Variants in CNIH1 observed in about 807,000 individuals in gnomAD.
CNIH1 encodes the protein cornichon family member 1.
Under a neutral mutation model 20.2 loss-of-function variants are expected in CNIH1, and 12 were observed. The ratio of observed to expected loss-of-function variants is 0.59; its 90% CI spans 0.38 to 0.96. The LOEUF is 0.96. CNIH1 is among the 40% of genes least tolerant of loss of function. The pLI, the probability that CNIH1 is intolerant of heterozygous loss-of-function variation, is 0.00. For missense variants in CNIH1, 152 were observed against 178.8 expected (o/e 0.85, Z 0.85); for synonymous variants, 69 against 63.3 (o/e 1.09, Z -0.43).
In CNIH1 at chr14:54,423,962, TCAG is replaced by T. The variant is rs1411861992; in HGVS notation, c.*3849_*3851del. The T allele has an allele frequency of 6.6e-6, 1 of 152,210 alleles. No individual in the cohort carries two copies. The highest frequency in any genetic ancestry group is 2.4e-5 in the African/African-American group (1 of 41,458). The allele number at this position is 152,210 out of a possible 1,614,324, so 9.4% of individuals were successfully genotyped here. ...ACATGGTTAATACTATTTTCCAAAATCAGCAGAACAAGCTGCAGTTACTTCTTT... is the reference window on the plus strand; with the variant it reads ...ACATGGTTAATACTATTTTCCAAAATCAGAACAAGCTGCAGTTACTTCTTT... On this transcript the variant is annotated 3_prime_UTR_variant, in exon 5 of 5. Transcript: ENST00000216416.
rs552924024 is a variant in CNIH1, at chr14:54,438,357, G to T, written c.82-1920C>A. On this transcript the variant is annotated intron_variant, in intron 1 of 4. Transcript: ENST00000216416. ...GCTAGGGTTTTCGAACCTCTTCTGA[G>T]AATATTCTTAATGATTTTCAAATCT... is the stretch of plus-strand genomic sequence containing the variant. Among the ~76,000 whole-genome samples, 7 of 152,260 alleles carry T rather than the reference G, an allele frequency of 4.6e-5. No homozygotes were observed. The East Asian group carries it at 1.3e-3, about 29-fold the overall frequency.
Position 54,427,906 on chromosome 14 carries a change from G to A in CNIH1, c.408-65C>T, listed in dbSNP as rs1358461370. On this transcript the variant is annotated intron_variant, in intron 4 of 4. Coordinates refer to ENST00000216416, the MANE Select transcript of CNIH1 (RefSeq NM_005776.3). ...ATTATTAAAAAAAAACTCAGAGCAT[G>A]AGAGAGTATGCTTTATATAGCAAAC... The A allele has an allele frequency of 4.1e-6, 6 of 1,470,714 alleles. No homozygotes were observed. In the East Asian group the frequency reaches 1.4e-4, roughly 33 times the overall value. The allele number at this position is 1,470,714 out of a possible 1,614,324, so 91.1% of individuals were successfully genotyped here. A position where few individuals can be genotyped will look rare whatever the true frequency, so the allele number is the denominator to read the frequency against.
chr14:54,430,153 G>T, intron 4 of CNIH1, 108 bp downstream of exon 4: 1 of 1,178,148 alleles, frequency 8.5e-7, no homozygotes, highest in Non-Finnish European at 1.2e-6. Context: ...GCACACTTAA[G>T]ACACTAAGTT....
chr14:54,439,703 C>G (rs1373742335), intron 1 of CNIH1, among the ~76,000 whole-genome samples: 1 of 152,136 alleles, frequency 6.6e-6, no homozygotes, highest in South Asian at 2.1e-4. Flanking sequence ...GCGCCCACCA[C>G]CATGCCCGGC....
chr14:54,435,975 A>G (rs1189112495), intron 2 of CNIH1: 6 of 649,608 alleles, frequency 9.2e-6, no homozygotes, highest in Admixed American at 4.7e-5. Flanking sequence ...CTCAACAGGC[A>G]TATGAACGAG....
At chr14:54,440,143 A>T (rs977460334) in intron 1 of CNIH1, among the ~76,000 whole-genome samples, 1 of 152,210 alleles carries the variant, frequency 6.6e-6, no homozygotes, top group Non-Finnish European at 1.5e-5. Flanking sequence ...TTTTTGCACA[A>T]GACGCTGCTG....
At chr14:54,431,330 C>A (rs1447489872) in intron 3 of CNIH1, among the ~76,000 whole-genome samples, 1 of 151,946 alleles carries the variant, frequency 6.6e-6, no homozygotes, top group Non-Finnish European at 1.5e-5. Flanking sequence ...GTTTCACCAT[C>A]TTGGCCAGGC....
chr14:54,430,175 G>A (rs1206725910), intron 4 of CNIH1, 86 bp downstream of exon 4: 1 of 1,356,994 alleles, frequency 7.4e-7, no homozygotes, highest in African/African-American at 1.4e-5. Context: ...TTCTTCAAAT[G>A]GATTTTGAGG....
Position 54,427,725 on chromosome 14 carries a change from A to G in CNIH1, c.*89T>C, listed in dbSNP as rs2030853846. On this transcript the variant is annotated 3_prime_UTR_variant, in exon 5 of 5. Coordinates refer to ENST00000216416, the MANE Select transcript of CNIH1 (RefSeq NM_005776.3). ...AGTAACTGATCAGATTCCACAGGCTACTCTTGGACAGGATCTTGCTGGATA... is the reference window on the plus strand; with the variant it reads ...AGTAACTGATCAGATTCCACAGGCTGCTCTTGGACAGGATCTTGCTGGATA... 7.6e-7 allele frequency: 1 copy of G among 1,312,522 alleles called. No individual in the cohort carries two copies. The highest frequency in any genetic ancestry group is 1.3e-5 in the South Asian group (1 of 78,920). The allele number at this position is 1,312,522 out of a possible 1,614,324, so 81.3% of individuals were successfully genotyped here. A position where few individuals can be genotyped will look rare whatever the true frequency, so the allele number is the denominator to read the frequency against.
At chr14:54,433,833 A>G (rs1253015299) in intron 2 of CNIH1, among the ~76,000 whole-genome samples, 2 of 152,186 alleles carry the variant, frequency 1.3e-5, no homozygotes, top group African/African-American at 2.4e-5. Flanking sequence ...TACTTTAATA[A>G]AAGTGTTAAT....
intron 3 of CNIH1, among the ~76,000 whole-genome samples, 192 bp from the exon 4 acceptor site, chr14:54,430,596 A>AT (rs1303622254): frequency 1.3e-5 from 2 of 152,352 alleles, no homozygotes; most frequent in Admixed American, 1.3e-4. Context: ...GCAGAATGAG[A>AT]TAGCTAAACA....
Position 54,437,914 on chromosome 14 carries a change from A to G in CNIH1, c.82-1477T>C, listed in dbSNP as rs1177947467. On this transcript the variant is annotated intron_variant, in intron 1 of 4. Transcript: ENST00000216416. ...TGTCTATAACAAGATCCAACTTAAC[A>G]GAATACAAAACTTGTCTTTAAAACT... is the stretch of plus-strand genomic sequence containing the variant. Among the ~76,000 whole-genome samples, 9 of 152,292 alleles carry G rather than the reference A, an allele frequency of 5.9e-5. No homozygotes were observed. The East Asian group carries it at 1.7e-3, about 29-fold the overall frequency.
In CNIH1 at chr14:54,424,150, C is replaced by T. The variant is rs1052284907; in HGVS notation, c.*3664G>A. ...CTATACTGGTAGCACCACAGACTTA[C>T]TAGCTGCTGGTCATACTGCACATCA... is the stretch of plus-strand genomic sequence containing the variant. On this transcript the variant is annotated 3_prime_UTR_variant, in exon 5 of 5. Transcript: ENST00000216416. 6.6e-6 allele frequency: 1 copy of T among 152,220 alleles called. No homozygotes were observed. Among genetic ancestry groups the T allele is most frequent in the African/African-American group, 2.4e-5 (1 of 41,462 alleles). 9.4% of individuals were successfully genotyped at this position (152,220 alleles called of 1,614,324 possible).
intron 4 of CNIH1, 127 bp downstream of exon 4, chr14:54,430,134 G>A (rs78534712): frequency 0.14 from 132,781 of 978,402 alleles, 9,918 homozygotes; most frequent in Non-Finnish European, 0.15. Flanking sequence ...ATTTGCTGGT[G>A]TGCACCATGC....
At chr14:54,430,988 T>G (rs1333408639) in intron 3 of CNIH1, among the ~76,000 whole-genome samples, 1 of 151,980 alleles carries the variant, frequency 6.6e-6, no homozygotes, top group African/African-American at 2.4e-5. Flanking sequence ...CACGCCACCA[T>G]GCTTAGCTAA....
chr14:54,429,795 A>G (rs1233110909), intron 4 of CNIH1, among the ~76,000 whole-genome samples: 1 of 152,128 alleles, frequency 6.6e-6, no homozygotes, highest in Non-Finnish European at 1.5e-5. Context: ...ACCACCCTGT[A>G]AGGTAGAACT....
intron 3 of CNIH1, among the ~76,000 whole-genome samples, chr14:54,431,418 G>A (rs1019346538): frequency 3.9e-5 from 6 of 152,112 alleles, no homozygotes; most frequent in African/African-American, 9.7e-5. Context: ...GAGCCACTGC[G>A]CCCGGCCAAG....
In CNIH1 at chr14:54,425,290, C is replaced by T. The variant is rs1340537342; in HGVS notation, c.*2524G>A. 6.6e-6 allele frequency: 1 copy of T among 151,188 alleles called. No homozygotes were observed. Among genetic ancestry groups the T allele is most frequent in the Non-Finnish European group, 1.5e-5 (1 of 67,848 alleles). 9.4% of individuals were successfully genotyped at this position (151,188 alleles called of 1,614,324 possible). A position where few individuals can be genotyped will look rare whatever the true frequency, so the allele number is the denominator to read the frequency against. ...TATAACCACAGTGTTACACAAGATG[C>T]AATAAAATAGACACAAACAGGGAAA... is the stretch of plus-strand genomic sequence containing the variant. On this transcript the variant is annotated 3_prime_UTR_variant, in exon 5 of 5. Coordinates refer to ENST00000216416, the MANE Select transcript of CNIH1 (RefSeq NM_005776.3).
intron 2 of CNIH1, among the ~76,000 whole-genome samples, chr14:54,433,251 C>T (rs1037334474): frequency 6.6e-6 from 1 of 152,158 alleles, no homozygotes; most frequent in Admixed American, 6.5e-5. Flanking sequence ...CATATGAATA[C>T]TTATCATCAT....
Sources: allele counts gnomAD v4.1 joint callset (sites outside exome capture counted in the v4.1 genomes callset), GRCh38; gene constraint gnomAD v4.1.1; transcripts MANE v1.5; gene names NCBI Gene and HGNC (gene_info 2026-07-23, HGNC 2026-07-21).